IDO1: variants seen among roughly 807,000 people sequenced by gnomAD.
The protein encoded by IDO1 is indolamine 2,3 dioxygenase.
Under a neutral mutation model 38.8 loss-of-function variants are expected in IDO1, and 35 were observed. The observed-to-expected ratio is 0.90, with a 90% confidence interval of 0.69 to 1.20. The LOEUF is 1.20. Among genes scored for constraint, IDO1 ranks in the 50% most tolerant of loss-of-function variants. The pLI is 0.00. For missense variants in IDO1, 509 were observed against 485.1 expected, an observed-to-expected ratio of 1.05 and a Z score of -0.46; for synonymous variants, 171 against 170.0, an observed-to-expected ratio of 1.01 and a Z score of -0.05.
intron 9 of IDO1, 131 bp from the exon 10 acceptor site, chr8:39,927,699 A>T (rs919694145): frequency 1.1e-5 from 5 of 464,870 alleles, no homozygotes; most frequent in African/African-American, 7.8e-5. Flanking sequence ...TTAGCCTTCA[A>T]ATAGAATGAC....
At chr8:39,916,853 T>C (rs1807181629) in intron 1 of IDO1, among the ~76,000 whole-genome samples, 1 of 152,208 alleles carries the variant, frequency 6.6e-6, no homozygotes, top group African/African-American at 2.4e-5. Flanking sequence ...ATGATCATCA[T>C]TGTGCAGAAC....
rs1338318095 is a variant in IDO1, at chr8:39,928,524, G to A, written c.*339G>A. ...CGAGGCGGGCGGATCACAAGGTCAG[G>A]AGATCGAGACCATCTTGGCTAACAC... On this transcript the variant is annotated 3_prime_UTR_variant, in exon 10 of 10. Coordinates refer to ENST00000518237, the MANE Select transcript of IDO1 (RefSeq NM_002164.6). 4 of 173,740 alleles carry A rather than the reference G, an allele frequency of 2.3e-5. No individual in the cohort carries two copies. The highest frequency in any genetic ancestry group is 2.5e-5 in the Non-Finnish European group (2 of 80,996). The allele number at this position is 173,740 out of a possible 1,614,324, so 10.8% of individuals were successfully genotyped here. A position where few individuals can be genotyped will look rare whatever the true frequency, so the allele number is the denominator to read the frequency against.
At position 39,921,120 on chromosome 8, in the gene IDO1, C is replaced by T. The variant is rs1349249030; in HGVS notation, c.437+1006C>T. Among the ~76,000 whole-genome samples, 5 of 151,914 alleles carry T rather than the reference C, an allele frequency of 3.3e-5. No homozygotes were observed. The East Asian group carries it at 7.7e-4, about 23-fold the overall frequency. On this transcript the variant is annotated intron_variant, in intron 5 of 9. Coordinates refer to ENST00000518237, the MANE Select transcript of IDO1 (RefSeq NM_002164.6). ...CCTTGAAGTGACAAACATCTTGGTG[C>T]GTTATCAAAGCTGAAGGATGGCTAA...
chr8:39,924,721 A>T lies in IDO1; in HGVS notation c.656A>T (p.Asp219Val), dbSNP rs781185642. 13 of 1,600,628 alleles carry T rather than the reference A, an allele frequency of 8.1e-6. No homozygotes were observed. The highest frequency in any genetic ancestry group is 1.1e-5 in the South Asian group (1 of 90,470). ...TTAAACATATTCCATCTTTTTACAG[A>T]TCATGTGAACCCAAAAGCATTTTTC... ...KALQVFHQIHDHVNPKAFFSV... is the reference protein window; with the variant it reads ...KALQVFHQIHVHVNPKAFFSV... Residue 219 changes from aspartate (D) to valine (V), a missense_variant and splice_region_variant, in exon 8 of 10, where the codon GAT becomes GTT. Coordinates refer to ENST00000518237, the MANE Select transcript of IDO1 (RefSeq NM_002164.6).
At chr8:39,916,550 GA>G (rs957838302) in intron 1 of IDO1, among the ~76,000 whole-genome samples, 8 of 151,832 alleles carry the variant, frequency 5.3e-5, no homozygotes, top group South Asian at 4.2e-4. Context: ...CCGGAAACAT[GA>G]AAAAAAATTA....
rs1807250266 is a variant in IDO1 at position 39,920,132 on chromosome 8, G to A, written c.437+18G>A. 1 of 1,593,450 alleles carries A rather than the reference G, an allele frequency of 6.3e-7. No homozygotes were observed. The highest frequency in any genetic ancestry group is 8.6e-7 in the Non-Finnish European group (1 of 1,166,874). The stretch of plus-strand genomic sequence containing the variant: ...ACTTATGAGTAAGTATCTGATTCTT[G>A]TTTGATTCTAAGAATTATTTGTTAC... On this transcript the variant is annotated intron_variant, in intron 5 of 9. Transcript: ENST00000518237.
Position 39,927,974 on chromosome 8 carries a change from C to G in IDO1, c.1001C>G (p.Ala334Gly). ...GCTGGCCTGCGGGAAGCTTATGACG[C>G]CTGTGTGAAAGCTCTGGTCTCCCTG... Reference protein sequence around the residue: ...GDAGLREAYDACVKALVSLRS... With the variant: ...GDAGLREAYDGCVKALVSLRS... Residue 334 changes from alanine to glycine, a missense_variant, in exon 10 of 10, where the codon GCC becomes GGC. By Grantham distance (60) the Ala-to-Gly change is moderately conservative. Transcript: ENST00000518237. The G allele has an allele frequency of 6.2e-7, 1 of 1,605,014 alleles. No homozygotes were observed. Among genetic ancestry groups the G allele is most frequent in the South Asian group, 1.1e-5 (1 of 89,312 alleles).
At chr8:39,922,006 T>A (rs1807280040) in intron 5 of IDO1, among the ~76,000 whole-genome samples, 1 of 152,174 alleles carries the variant, frequency 6.6e-6, no homozygotes, top group South Asian at 2.1e-4. Context: ...TTTGTTTTGT[T>A]TATTTGTTTT....
chr8:39,924,842 G>A, intron 8 of IDO1, 70 bp downstream of exon 8: 1 of 1,130,366 alleles, frequency 8.8e-7, no homozygotes, highest in Non-Finnish European at 1.3e-6. Context: ...CTCTTGGTTG[G>A]TCCCTAATAT....
intron 5 of IDO1, 101 bp downstream of exon 5, chr8:39,920,215 G>T: frequency 1.2e-6 from 1 of 866,972 alleles, no homozygotes. Context: ...ATGATTAATT[G>T]AATTCAGCCA....
intron 4 of IDO1, among the ~76,000 whole-genome samples, chr8:39,919,708 C>T (rs780912591): frequency 2.8e-4 from 42 of 151,972 alleles, no homozygotes; most frequent in Non-Finnish European, 4.0e-4. Flanking sequence ...GGAATGGTGG[C>T]GTATGTCTGT....
intron 1 of IDO1, among the ~76,000 whole-genome samples, chr8:39,916,771 A>AT (rs558163619): frequency 7.2e-5 from 11 of 152,312 alleles, no homozygotes; most frequent in Middle Eastern, 3.4e-3. Context: ...ATATTATACC[A>AT]TTTAGGGATC....
intron 5 of IDO1, 80 bp downstream of exon 5, chr8:39,920,194 T>G: frequency 8.8e-7 from 1 of 1,130,368 alleles, no homozygotes; most frequent in East Asian, 2.4e-5. Flanking sequence ...AGACTCCAAA[T>G]GCATTTTTAA....
chr8:39,915,186 C>CAAA (rs1247501027), intron 1 of IDO1, among the ~76,000 whole-genome samples: 1 of 152,188 alleles, frequency 6.6e-6, no homozygotes, highest in East Asian at 1.9e-4. Flanking sequence ...CAGCCTGTCT[C>CAAA]CAGAGTCTAT....
chr8:39,926,038 G>A (rs1169990550), intron 9 of IDO1, among the ~76,000 whole-genome samples: 3 of 145,674 alleles, frequency 2.1e-5, no homozygotes, highest in African/African-American at 7.6e-5. Context: ...ATACAAAAAA[G>A]TAGCTGGGCA....
chr8:39,928,372 C>A lies in IDO1; in HGVS notation c.*187C>A. On this transcript the variant is annotated 3_prime_UTR_variant, in exon 10 of 10. Transcript: ENST00000518237. The stretch of plus-strand genomic sequence containing the variant: ...CAAAAGGTAATTATGTGTAATTATA[C>A]TAGAAGTTTTGTAATCTGTATCTTA... 1.9e-6 allele frequency: 1 copy of A among 521,662 alleles called. No homozygotes were observed. 32.3% of individuals were successfully genotyped at this position (521,662 alleles called of 1,614,324 possible). A position where few individuals can be genotyped will look rare whatever the true frequency, so the allele number is the denominator to read the frequency against.
chr8:39,928,210 A>C lies in IDO1; in HGVS notation c.*25A>C. 6.6e-7 allele frequency: 1 copy of C among 1,515,602 alleles called. No homozygotes were observed. The highest frequency in any genetic ancestry group is 9.0e-7 in the Non-Finnish European group (1 of 1,107,230). The allele number at this position is 1,515,602 out of a possible 1,614,324, so 93.9% of individuals were successfully genotyped here. A position where few individuals can be genotyped will look rare whatever the true frequency, so the allele number is the denominator to read the frequency against. ...ATGTAACCCAACAAGAGCACATTTT[A>C]TCATAGCAGAGACATCTGTATGCAT... On this transcript the variant is annotated 3_prime_UTR_variant, in exon 10 of 10. Coordinates refer to ENST00000518237, the MANE Select transcript of IDO1 (RefSeq NM_002164.6).
chr8:39,922,745 T>A, intron 6 of IDO1, 94 bp downstream of exon 6: 1 of 792,154 alleles, frequency 1.3e-6, no homozygotes, highest in East Asian at 2.5e-5. Flanking sequence ...GAGTTAACTT[T>A]ATCCTTAACA....
At chr8:39,916,685 C>T (rs1056484439) in intron 1 of IDO1, among the ~76,000 whole-genome samples, 1 of 152,112 alleles carries the variant, frequency 6.6e-6, no homozygotes, top group Non-Finnish European at 1.5e-5. Flanking sequence ...TTTCTGATTC[C>T]ATATAGATAG....
Sources: allele counts gnomAD v4.1 joint callset (sites outside exome capture counted in the v4.1 genomes callset), GRCh38; gene constraint gnomAD v4.1.1; transcripts MANE v1.5; gene names NCBI Gene and HGNC (gene_info 2026-07-23, HGNC 2026-07-21).